HSPG2: variants seen among roughly 807,000 people sequenced by gnomAD.
HSPG2 encodes the protein basement membrane-specific heparan sulfate proteoglycan core protein.
A neutral mutation model predicts 526.6 loss-of-function variants in HSPG2; 278 were observed. That is an observed-to-expected ratio of 0.53 (90% CI 0.48 to 0.58). The LOEUF is 0.58. HSPG2 is among the 20% of genes least tolerant of loss of function. The pLI, the probability that HSPG2 is intolerant of heterozygous loss-of-function variation, is 0.00. For synonymous variants in HSPG2, 2,465 were observed against 2,555.4 expected (o/e 0.96, Z 1.07); for missense variants, 5,354 against 6,099.5 (o/e 0.88, Z 4.07).
intron 1 of HSPG2, among the ~76,000 whole-genome samples, chr1:21,915,108 C>G (rs1268530520): frequency 1.3e-5 from 2 of 152,252 alleles, no homozygotes; most frequent in African/African-American, 2.4e-5. Flanking sequence ...AGCGGGCCAG[C>G]CCTCACGGGC....
At chr1:21,874,217 C>G (rs1246668583) in intron 28 of HSPG2, among the ~76,000 whole-genome samples, 189 bp downstream of exon 28, 1 of 152,188 alleles carries the variant, frequency 6.6e-6, no homozygotes, top group Non-Finnish European at 1.5e-5. Flanking sequence ...GGAGGGTGGA[C>G]TACCCCATTT....
At position 21,884,532 on chromosome 1, in the gene HSPG2, G is replaced by C. The variant is rs373705708; in HGVS notation, c.1650C>G (p.Phe550Leu). Residue 550 changes from phenylalanine (F) to leucine (L), a missense_variant, in exon 13 of 97, where the codon TTC (phenylalanine) becomes TTG (leucine). Phe to Leu is a conservative substitution (Grantham distance 22). Transcript: ENST00000374695. ...IRLRFDQPDDFKGVNVTMPAQ... is the reference protein window; with the variant it reads ...IRLRFDQPDDLKGVNVTMPAQ... ...CTCACCCGCCCGCCAACGCACCCTT[G>C]AAGTCATCGGGTTGGTCAAAGCGCA... 1 of 1,611,174 alleles carries C rather than the reference G, an allele frequency of 6.2e-7. No homozygotes were observed. The highest frequency in any genetic ancestry group is 8.5e-7 in the Non-Finnish European group (1 of 1,179,886).
At chr1:21,843,769 C>T (rs901515330) in intron 65 of HSPG2, among the ~76,000 whole-genome samples, 1 of 152,152 alleles carries the variant, frequency 6.6e-6, no homozygotes, top group African/African-American at 2.4e-5. Context: ...GCCTCAGCCT[C>T]CTGAGTAGCT....
chr1:21,856,801 C>T (rs1027214214), intron 44 of HSPG2, among the ~76,000 whole-genome samples: 1 of 152,196 alleles, frequency 6.6e-6, no homozygotes, highest in South Asian at 2.1e-4. Context: ...TTCATTTATT[C>T]CCATGCTTAT....
chr1:21,860,100 C>A, intron 40 of HSPG2, 77 bp downstream of exon 40: 1 of 1,604,266 alleles, frequency 6.2e-7, no homozygotes. Context: ...GCCCTGTCCC[C>A]AGACCCAGTA....
chr1:21,916,071 G>A (rs9426780), intron 1 of HSPG2, among the ~76,000 whole-genome samples: 91,949 of 122,220 alleles, frequency 0.75, 31,811 homozygotes, highest in Non-Finnish European at 0.81. Flanking sequence ...AGAAGAAGAA[G>A]AAAAAAAAAA....
At chr1:21,854,152 C>T in intron 50 of HSPG2, 41 bp downstream of exon 50, 1 of 1,537,652 alleles carries the variant, frequency 6.5e-7, no homozygotes, top group Non-Finnish European at 8.8e-7. Flanking sequence ...CTTGGGAGCT[C>T]CTAGGGCTCA....
rs1224416225 is a variant in HSPG2, at chr1:21,833,581, C to T, written c.10864G>A (p.Glu3622Lys). Residue 3622 changes from glutamate (E) to lysine (K), a missense_variant, in exon 79 of 97, where the codon GAG (glutamate) becomes AAG (lysine). Glu to Lys is a moderately conservative substitution (Grantham distance 56). Coordinates refer to ENST00000374695, the MANE Select transcript of HSPG2 (RefSeq NM_005529.7). Reference protein sequence around the residue: ...DGSLPPDSRLENNMLMLPSVR... With the variant: ...DGSLPPDSRLKNNMLMLPSVR... Reference sequence around the variant, plus strand: ...GAGGGCAGCATCAGCATGTTGTTCTCCAGGCGGCTGTCAGGTGGCAGGCTG... The same window carrying T: ...GAGGGCAGCATCAGCATGTTGTTCTTCAGGCGGCTGTCAGGTGGCAGGCTG... 1.2e-6 allele frequency: 2 copies of T among 1,613,976 alleles called. No individual in the cohort carries two copies. Among genetic ancestry groups the T allele is most frequent in the Non-Finnish European group, 1.7e-6 (2 of 1,180,000 alleles).
chr1:21,854,209 G>A lies in HSPG2; in HGVS notation c.6423C>T (p.Gly2141=). ...GCTCCTCACCTGGGGTGTAGCTGGG[G>A]CCAGAATGGGTGCCGTGGAGCACAG... ...TVSVLHGTHS[G]PSYTPVPGST... Residue 2141 remains glycine (G), a synonymous_variant, in exon 50 of 97, where the codon GGC becomes GGT. Transcript: ENST00000374695. 1 of 1,593,042 alleles carries A rather than the reference G, an allele frequency of 6.3e-7. No individual in the cohort carries two copies. The highest frequency in any genetic ancestry group is 8.6e-7 in the Non-Finnish European group (1 of 1,169,114).
rs371407008 is a variant in HSPG2 at position 21,890,155 on chromosome 1, C to T, written c.414-14G>A. On this transcript the variant is annotated splice_polypyrimidine_tract_variant and intron_variant, in intron 5 of 96. Transcript: ENST00000374695. The surrounding 1 kb of genome is among the most constrained non-coding windows in gnomAD (Gnocchi z 4.1). The stretch of plus-strand genomic sequence containing the variant: ...CCATCCAGCTCCCTGGGGATGGAGA[C>T]AGGCAGGAGAGGAGGGTCAGCGAGA... The T allele has an allele frequency of 6.8e-6, 11 of 1,613,798 alleles. No individual in the cohort carries two copies. Among genetic ancestry groups the T allele is most frequent in the African/African-American group, 1.3e-5 (1 of 74,896 alleles).
At position 21,937,058 on chromosome 1, in the gene HSPG2, G is replaced by A. The variant is rs71514204; in HGVS notation, c.63+97C>T. 0.2 allele frequency: 73,678 copies of A among 376,662 alleles called. 9,197 individuals are homozygous for A. Among genetic ancestry groups the A allele is most frequent in the East Asian group, 0.43 (3,314 of 7,676 alleles). 23.3% of individuals were successfully genotyped at this position (376,662 alleles called of 1,614,324 possible). A position where few individuals can be genotyped will look rare whatever the true frequency, so the allele number is the denominator to read the frequency against. On this transcript the variant is annotated intron_variant, in intron 1 of 96. Transcript: ENST00000374695. Reference sequence around the variant, plus strand: ...GCCAGAGTCCCCGCCGCGCAGCCTTGGGCGCCCCAGCCAAGTTGGCGGGAG... The same window carrying A: ...GCCAGAGTCCCCGCCGCGCAGCCTTAGGCGCCCCAGCCAAGTTGGCGGGAG...
chr1:21,926,760 T>C (rs1644203083), intron 1 of HSPG2, among the ~76,000 whole-genome samples: 1 of 30,458 alleles, frequency 3.3e-5, no homozygotes, highest in Non-Finnish European at 5.6e-5. Flanking sequence ...AGACTCAGTC[T>C]CAAAAAAAAA....
At chr1:21,903,244 G>A (rs571877205) in intron 1 of HSPG2, among the ~76,000 whole-genome samples, 50 of 152,260 alleles carry the variant, frequency 3.3e-4, no homozygotes, top group Non-Finnish European at 5.7e-4. Context: ...CCTGAAATCC[G>A]TTCCAAGACA....
In HSPG2 at chr1:21,830,019, C is replaced by T. The variant is rs1374568176; in HGVS notation, c.11744G>A (p.Gly3915Asp). 6.2e-7 allele frequency: 1 copy of T among 1,610,744 alleles called. No individual in the cohort carries two copies. Among genetic ancestry groups the T allele is most frequent in the Non-Finnish European group, 8.5e-7 (1 of 1,179,092 alleles). The change falls in exon 86 of 97, where the codon GGC (glycine) becomes GAC (aspartate). Residue 3915 changes from glycine (G) to aspartate (D), a missense_variant. Physicochemically the swap from Gly to Asp is moderately conservative, Grantham distance 94. Coordinates refer to ENST00000374695, the MANE Select transcript of HSPG2 (RefSeq NM_005529.7). ...GRGYTCRCHL[G>D]RSGLRCEEGV... is the part of the protein sequence containing the mutation. ...TTCCTCACACCGCAACCCCGAGCGG[C>T]CCAGGTGGCAGCGGCAGGTGTAGCC... is the stretch of plus-strand genomic sequence containing the variant.
At chr1:21,867,941 G>A (rs893389448) in intron 33 of HSPG2, among the ~76,000 whole-genome samples, 4 of 152,042 alleles carry the variant, frequency 2.6e-5, no homozygotes, top group African/African-American at 9.7e-5. Flanking sequence ...TGTTGGCCAG[G>A]CTGGTCTCAA....
chr1:21,885,073 C>A lies in HSPG2; in HGVS notation c.1295G>T (p.Gly432Val), dbSNP rs762139922. 6.2e-7 allele frequency: 1 copy of A among 1,613,668 alleles called. No homozygotes were observed. The highest frequency in any genetic ancestry group is 1.7e-5 in the Admixed American group (1 of 60,008). Residue 432 changes from glycine to valine, a missense_variant, in exon 11 of 97, where the codon GGC (glycine) becomes GTC (valine). Transcript: ENST00000374695. ...QTVTFTCVAIGVPTPIINWRL... is the reference protein window; with the variant it reads ...QTVTFTCVAIVVPTPIINWRL... ...CCAATTGATGATGGGGGTGGGGACG[C>A]CAATGGCCACGCAGGTGAAGGTCAC...
intron 9 of HSPG2, among the ~76,000 whole-genome samples, chr1:21,886,550 T>C (rs1042207827): frequency 1.3e-5 from 2 of 152,068 alleles, no homozygotes; most frequent in African/African-American, 2.4e-5. Context: ...GGACAGGACA[T>C]ACAGGATACC....
chr1:21,846,915 G>A lies in HSPG2; in HGVS notation c.8165-316C>T, dbSNP rs138901648. On this transcript the variant is annotated intron_variant, in intron 62 of 96. Coordinates refer to ENST00000374695, the MANE Select transcript of HSPG2 (RefSeq NM_005529.7). ...CTCGGGAAGCTGAGACAGGAGAATC[G>A]CTTGAACCTGGAAGGCGGAAGTTGC... Among the ~76,000 whole-genome samples, 435 of 152,160 alleles carry A rather than the reference G, an allele frequency of 2.9e-3. 5 individuals carry two copies. The highest frequency in any genetic ancestry group is 8.9e-3 in the East Asian group (46 of 5,180).
chr1:21,895,875 C>T lies in HSPG2; in HGVS notation c.244+47G>A. The T allele has an allele frequency of 3.1e-6, 5 of 1,594,462 alleles. No individual in the cohort carries two copies. Among genetic ancestry groups the T allele is most frequent in the Admixed American group, 1.7e-5 (1 of 59,948 alleles). On this transcript the variant is annotated intron_variant, in intron 3 of 96. Transcript: ENST00000374695. This position sits in a 1 kb window ranked among gnomAD's most constrained non-coding sequence, Gnocchi z 4.1. ...GCCCAGGAGACTGGCTCTGGGGCTT[C>T]CCTGGGGGACAGGAGGGAGACCTGC...
Sources: allele counts gnomAD v4.1 joint callset (sites outside exome capture counted in the v4.1 genomes callset), GRCh38; gene constraint gnomAD v4.1.1; non-coding constraint Gnocchi (gnomAD v3.1); transcripts MANE v1.5; gene names NCBI Gene and HGNC (gene_info 2026-07-23, HGNC 2026-07-21).